GPC6: variants seen among roughly 807,000 people sequenced by gnomAD.
The protein encoded by GPC6 is glypican 6, also known as glypican-6.
In GPC6, 14 loss-of-function variants were observed where a neutral mutation model predicts 55.2. The observed-to-expected ratio is 0.25, with a 90% CI of 0.17 to 0.40. The LOEUF (loss-of-function observed/expected upper bound fraction) is 0.40, where lower values mean the gene tolerates loss of function less well. Among genes scored for constraint, GPC6 ranks in the 10% least tolerant of loss-of-function variants. GPC6 has a pLI of 1.00. For missense variants in GPC6, 641 were observed against 708.5 expected (o/e 0.90, Z 1.08); for synonymous variants, 278 against 259.6 (o/e 1.07, Z -0.68).
intron 3 of GPC6, among the ~76,000 whole-genome samples, chr13:93,997,383 C>T (rs953353546): frequency 1.3e-5 from 2 of 152,102 alleles, no homozygotes; most frequent in African/African-American, 2.4e-5. Flanking sequence ...AAGCATCTTA[C>T]CCCATTGGCT....
chr13:93,865,972 T>C (rs1952699), intron 3 of GPC6, among the ~76,000 whole-genome samples: 4,467 of 151,648 alleles, frequency 0.029, 76 homozygotes, highest in East Asian at 0.057. Flanking sequence ...CCAAAATTGG[T>C]TAAGTGCCAT....
chr13:93,361,195 GC>G (rs1206983034), intron 1 of GPC6, among the ~76,000 whole-genome samples: 10 of 152,014 alleles, frequency 6.6e-5, no homozygotes, highest in Admixed American at 6.6e-5. Context: ...CTTGCTGCTT[GC>G]CTGAAGCTCT....
intron 2 of GPC6, among the ~76,000 whole-genome samples, chr13:93,550,469 C>A (rs751326194): frequency 1.3e-5 from 2 of 151,926 alleles, no homozygotes; most frequent in Non-Finnish European, 2.9e-5. Flanking sequence ...TTTTTAAAAG[C>A]AAAATAAAAA....
intron 2 of GPC6, among the ~76,000 whole-genome samples, chr13:93,774,018 A>G (rs1307816927): frequency 6.6e-6 from 1 of 152,208 alleles, no homozygotes; most frequent in Non-Finnish European, 1.5e-5. Context: ...TAGATGCCTC[A>G]TGCCTCCAAT....
intron 1 of GPC6, among the ~76,000 whole-genome samples, chr13:93,517,874 G>A (rs2590530): frequency 0.94 from 143,373 of 152,066 alleles, 68,154 homozygotes; most frequent in East Asian, 1. Context: ...AGCAATTTTA[G>A]TCTATTCAAT....
At chr13:93,577,393 G>A (rs1488646502) in intron 2 of GPC6, among the ~76,000 whole-genome samples, 1 of 152,130 alleles carries the variant, frequency 6.6e-6, no homozygotes, top group Non-Finnish European at 1.5e-5. Flanking sequence ...TCATACTGCT[G>A]TGACTTTTCC....
intron 4 of GPC6, among the ~76,000 whole-genome samples, chr13:94,156,390 T>A (rs1441127548): frequency 6.6e-6 from 1 of 152,124 alleles, no homozygotes; most frequent in African/African-American, 2.4e-5. Flanking sequence ...TACATATAGA[T>A]ACAGATATAG....
chr13:93,796,735 G>T (rs1223983908), intron 2 of GPC6, among the ~76,000 whole-genome samples: 1 of 152,112 alleles, frequency 6.6e-6, no homozygotes, highest in African/African-American at 2.4e-5. Flanking sequence ...TTTTTTAAGG[G>T]TGAAAGAGGT....
At chr13:93,924,697 T>C (rs1180564560) in intron 3 of GPC6, among the ~76,000 whole-genome samples, 3 of 15,766 alleles carry the variant, frequency 1.9e-4, no homozygotes, top group Non-Finnish European at 3.2e-4. Flanking sequence ...CTTTCTTTTC[T>C]TTTTTTTTTT....
At chr13:93,359,196 G>C (rs960096510) in intron 1 of GPC6, among the ~76,000 whole-genome samples, 5 of 151,912 alleles carry the variant, frequency 3.3e-5, no homozygotes, top group East Asian at 1.9e-4. Flanking sequence ...AAATTCCTTG[G>C]CTGAAGCAAT....
intron 1 of GPC6, among the ~76,000 whole-genome samples, chr13:93,465,870 C>CT (rs1345683639): frequency 2.6e-5 from 4 of 152,072 alleles, no homozygotes; most frequent in Non-Finnish European, 5.9e-5. Flanking sequence ...AGGTACTACT[C>CT]TTTTTTGTGC....
At chr13:93,980,795 G>T (rs1880768795) in intron 3 of GPC6, among the ~76,000 whole-genome samples, 2 of 152,068 alleles carry the variant, frequency 1.3e-5, no homozygotes, top group South Asian at 4.1e-4. Context: ...TTTACTGTGT[G>T]GTGCTCTGGA....
intron 3 of GPC6, among the ~76,000 whole-genome samples, chr13:93,931,046 C>A (rs1282038509): frequency 6.6e-6 from 1 of 152,066 alleles, no homozygotes; most frequent in Non-Finnish European, 1.5e-5. Context: ...ACTAGGGCAG[C>A]ACCAAAGGTA....
At chr13:93,880,637 T>C (rs974520935) in intron 3 of GPC6, among the ~76,000 whole-genome samples, 3 of 151,882 alleles carry the variant, frequency 2.0e-5, no homozygotes, top group East Asian at 1.9e-4. Context: ...ATGGGTGCAG[T>C]GCACCAGCAT....
chr13:93,776,103 C>T (rs944768409), intron 2 of GPC6, among the ~76,000 whole-genome samples: 1 of 105,910 alleles, frequency 9.4e-6, no homozygotes, highest in African/African-American at 3.8e-5. Flanking sequence ...TTTTACTAAG[C>T]ACTAGCCTGG....
intron 1 of GPC6, among the ~76,000 whole-genome samples, chr13:93,312,652 A>G: frequency 6.6e-6 from 1 of 152,172 alleles, no homozygotes. Context: ...CAATATGCCT[A>G]TAGTGAACCA....
At chr13:93,564,199 TA>T (rs1479429016) in intron 2 of GPC6, among the ~76,000 whole-genome samples, 3 of 152,112 alleles carry the variant, frequency 2.0e-5, no homozygotes, top group Non-Finnish European at 4.4e-5. Context: ...TGTAAAACCT[TA>T]AAAAAGAGTA....
intron 2 of GPC6, among the ~76,000 whole-genome samples, chr13:93,593,089 A>AT (rs1156870614): frequency 7.2e-5 from 11 of 152,290 alleles, no homozygotes; most frequent in Admixed American, 7.2e-4. Context: ...ATGGATACAT[A>AT]AATGCCCGCT....
intron 8 of GPC6, among the ~76,000 whole-genome samples, 169 bp from the exon 9 acceptor site, chr13:94,402,846 A>G (rs1414749454): frequency 3.9e-5 from 6 of 152,194 alleles, no homozygotes; most frequent in African/African-American, 1.4e-4. Context: ...ACTCACTATC[A>G]CGAGAACAGG....
Sources: gnomAD v4.1 joint callset for allele counts (sites outside exome capture counted in the v4.1 genomes callset) on GRCh38, gnomAD v4.1.1 for gene constraint, MANE v1.5 for transcripts, NCBI Gene and HGNC (gene_info 2026-07-23, HGNC 2026-07-21) for gene names.